MAGEE2: variants seen among roughly 807,000 people sequenced by gnomAD.
MAGEE2 encodes melanoma-associated antigen E2.
For synonymous variants in MAGEE2, 189 were observed against 155.4 expected, an observed-to-expected ratio of 1.22 and a Z score of -1.61; for missense variants, 508 against 391.1, an observed-to-expected ratio of 1.30 and a Z score of -2.52.
rs776410419 is a variant in MAGEE2 at position 75,784,122 on chromosome X, A to T, written c.930T>A (p.Thr310=). ...TAGLEFWSED[T]MNDKANDLVQ... ...CCAAATCATTTGCCTTATCATTCAT[A>T]GTGTCCTCCGACCAGAACTCTAAGC... The change falls in exon 1 of 1, where the codon ACT becomes ACA. Residue 310 remains threonine, a synonymous_variant. Transcript: ENST00000373359. The T allele has an allele frequency of 1.7e-6, 2 of 1,211,727 alleles. No homozygotes were observed. The highest frequency in any genetic ancestry group is 3.5e-5 in the South Asian group (2 of 56,983).
rs1341913848 is a variant in MAGEE2 at position 75,784,897 on chromosome X, T to C, written c.155A>G (p.Asn52Ser). 1.3e-5 allele frequency: 16 copies of C among 1,185,328 alleles called. No homozygotes were observed. The highest frequency in any genetic ancestry group is 1.7e-5 in the Non-Finnish European group (15 of 881,578). The change falls in exon 1 of 1, where the codon AAC (asparagine) becomes AGC (serine). Residue 52 changes from asparagine to serine, a missense_variant. By Grantham distance (46) the Asn-to-Ser change is conservative. Transcript: ENST00000373359. ...DAPQCPQAPI[N>S]SQCVNTSQAV... The stretch of plus-strand genomic sequence containing the variant: ...CTGGGAAGTGTTGACACACTGAGAG[T>C]TGATTGGCGCCTGAGGGCACTGGGG...
At position 75,784,953 on chromosome X, in the gene MAGEE2, C is replaced by T. The variant is rs1202834496; in HGVS notation, c.99G>A (p.Gly33=). 6.1e-6 allele frequency: 7 copies of T among 1,154,306 alleles called. No individual in the cohort carries two copies. Among genetic ancestry groups the T allele is most frequent in the Non-Finnish European group, 8.1e-6 (7 of 868,779 alleles). The change falls in exon 1 of 1, where the codon GGG becomes GGA. Residue 33 remains glycine, a synonymous_variant. Coordinates refer to ENST00000373359, the MANE Select transcript of MAGEE2 (RefSeq NM_138703.5). ...CAACGACTAGCATGGAGGTGGGGGA[C>T]CCGGAGGCGTTAGTAGCTTGTATTT... ...RGEIQATNAS[G]SPTSMLVVDA...
Position 75,784,656 on chromosome X carries a change from G to A in MAGEE2, c.396C>T (p.Ala132=). ...CAAAGACCTGGTCCAGGTGAGCTGA[G>A]GCTCGTCTGAGGATCTCAGGGAACT... is the stretch of plus-strand genomic sequence containing the variant. ...SDQFPEILRR[A]SAHLDQVFGL... Residue 132 remains alanine, a synonymous_variant, in exon 1 of 1, where the codon GCC becomes GCT. Coordinates refer to ENST00000373359, the MANE Select transcript of MAGEE2 (RefSeq NM_138703.5). 1 of 1,211,307 alleles carries A rather than the reference G, an allele frequency of 8.3e-7. No homozygotes were observed. The highest frequency in any genetic ancestry group is 1.7e-5 in the African/African-American group (1 of 57,847).
chrX:75,784,433 C>A lies in MAGEE2; in HGVS notation c.619G>T (p.Asp207Tyr), dbSNP rs1464906395. The change falls in exon 1 of 1, where the codon GAT becomes TAT. Residue 207 changes from aspartate to tyrosine, a missense_variant. Physicochemically the swap from Asp to Tyr is radical, Grantham distance 160 (BLOSUM62 -3). Coordinates refer to ENST00000373359, the MANE Select transcript of MAGEE2 (RefSeq NM_138703.5). ...ASIWDLLLKVDMWDKPQRINN... is the reference protein window; with the variant it reads ...ASIWDLLLKVYMWDKPQRINN... ...ATCCTCTGAGGCTTATCCCACATAT[C>A]AACTTTTAGCAGCAAGTCCCAAATG... 1 of 1,210,208 alleles carries A rather than the reference C, an allele frequency of 8.3e-7. No individual in the cohort carries two copies. Among genetic ancestry groups the A allele is most frequent in the Non-Finnish European group, 1.1e-6 (1 of 895,279 alleles).
rs768233465 is a variant in MAGEE2 at position 75,784,333 on chromosome X, G to C, written c.719C>G (p.Pro240Arg). The C allele has an allele frequency of 3.3e-6, 4 of 1,209,846 alleles. No individual in the cohort carries two copies. The highest frequency in any genetic ancestry group is 4.5e-6 in the Non-Finnish European group (4 of 895,221). Residue 240 changes from proline (P) to arginine (R), a missense_variant, in exon 1 of 1, where the codon CCG becomes CGG. Transcript: ENST00000373359. ...FVCMRFLEYW[P>R]VYGTNPLEFE... is the part of the protein sequence containing the mutation. ...CTCAAGGGGATTAGTGCCATACACC[G>C]GCCAGTACTCCAAGAATCGCATGCA...
chrX:75,785,008 A>G lies in MAGEE2; in HGVS notation c.44T>C (p.Ile15Thr). ...TCTGCCGTCGCCGTAATCTGCAGTG[A>G]TCTCTGCGCTACAGTGGCGTGCATT... Reference protein sequence around the residue: ...SQNARHCSAEITADYGDGRGE... With the variant: ...SQNARHCSAETTADYGDGRGE... Residue 15 changes from isoleucine to threonine, a missense_variant, in exon 1 of 1, where the codon ATC becomes ACC. Ile to Thr is a moderately conservative substitution (Grantham distance 89). Coordinates refer to ENST00000373359, the MANE Select transcript of MAGEE2 (RefSeq NM_138703.5). The G allele has an allele frequency of 8.8e-7, 1 of 1,139,075 alleles. No individual in the cohort carries two copies. The allele number at this position is 1,139,075 out of a possible 1,213,427, so 93.9% of individuals were successfully genotyped here. A position where few individuals can be genotyped will look rare whatever the true frequency, so the allele number is the denominator to read the frequency against.
chrX:75,784,966 G>C lies in MAGEE2; in HGVS notation c.86C>G (p.Thr29Ser). 8.7e-7 allele frequency: 1 copy of C among 1,149,749 alleles called. No individual in the cohort carries two copies. The highest frequency in any genetic ancestry group is 1.8e-5 in the African/African-American group (1 of 55,376). 94.8% of individuals were successfully genotyped at this position (1,149,749 alleles called of 1,213,427 possible). A position where few individuals can be genotyped will look rare whatever the true frequency, so the allele number is the denominator to read the frequency against. ...GGAGGTGGGGGACCCGGAGGCGTTAGTAGCTTGTATTTCACCTCTGCCGTC... is the reference window on the plus strand; with the variant it reads ...GGAGGTGGGGGACCCGGAGGCGTTACTAGCTTGTATTTCACCTCTGCCGTC... ...YGDGRGEIQA[T>S]NASGSPTSML... The change falls in exon 1 of 1, where the codon ACT becomes AGT. Residue 29 changes from threonine to serine, a missense_variant. Transcript: ENST00000373359.
Position 75,784,274 on chromosome X carries a change from C to T in MAGEE2, c.778G>A (p.Glu260Lys), listed in dbSNP as rs267606512. ...EFLWGSRAHR[E>K]ITKMEALKFV... ...TTCAGGGCTTCCATCTTTGTGATTTCCCTGTGGGCTCTAGAGCCCCACAAG... is the reference window on the plus strand; with the variant it reads ...TTCAGGGCTTCCATCTTTGTGATTTTCCTGTGGGCTCTAGAGCCCCACAAG... The change falls in exon 1 of 1, where the codon GAA becomes AAA. Residue 260 changes from glutamate (E) to lysine (K), a missense_variant. Glu to Lys is a moderately conservative substitution (Grantham distance 56). Coordinates refer to ENST00000373359, the MANE Select transcript of MAGEE2 (RefSeq NM_138703.5). The T allele has an allele frequency of 8.3e-7, 1 of 1,209,793 alleles. No homozygotes were observed. Among genetic ancestry groups the T allele is most frequent in the Admixed American group, 2.2e-5 (1 of 45,777 alleles).
In MAGEE2 at chrX:75,785,209, G is replaced by T. The variant is rs1269011941; in HGVS notation, c.-158C>A. 2.0e-5 allele frequency: 11 copies of T among 548,762 alleles called. No individual in the cohort carries two copies. The highest frequency in any genetic ancestry group is 2.6e-5 in the Non-Finnish European group (10 of 380,558). The allele number at this position is 548,762 out of a possible 1,213,427, so 45.2% of individuals were successfully genotyped here. On this transcript the variant is annotated 5_prime_UTR_variant, in exon 1 of 1. Coordinates refer to ENST00000373359, the MANE Select transcript of MAGEE2 (RefSeq NM_138703.5). ...TGTGAAGAGCGATCTTTCTACACAAGTGCTGGCCAGCAACGACTGCAAGCC... is the reference window on the plus strand; with the variant it reads ...TGTGAAGAGCGATCTTTCTACACAATTGCTGGCCAGCAACGACTGCAAGCC...
chrX:75,783,827 C>G lies in MAGEE2; in HGVS notation c.1225G>C (p.Gly409Arg). The change falls in exon 1 of 1, where the codon GGT (glycine) becomes CGT (arginine). Residue 409 changes from glycine (G) to arginine (R), a missense_variant. Physicochemically the swap from Gly to Arg is moderately radical, Grantham distance 125. Coordinates refer to ENST00000373359, the MANE Select transcript of MAGEE2 (RefSeq NM_138703.5). ...PTQEYVMPIL[G>R]LIFLMGNRVK... Reference sequence around the variant, plus strand: ...CGGTTGCCCATCAGGAAGATCAAACCTAGGATTGGCATTACATATTCTTGA... The same window carrying G: ...CGGTTGCCCATCAGGAAGATCAAACGTAGGATTGGCATTACATATTCTTGA... 1 of 1,211,747 alleles carries G rather than the reference C, an allele frequency of 8.3e-7. No homozygotes were observed. Among genetic ancestry groups the G allele is most frequent in the Non-Finnish European group, 1.1e-6 (1 of 895,543 alleles).
At position 75,783,593 on chromosome X, in the gene MAGEE2, G is replaced by T. The variant is rs1282516313; in HGVS notation, c.1459C>A (p.Leu487Ile). Residue 487 changes from leucine (L) to isoleucine (I), a missense_variant, in exon 1 of 1, where the codon CTC becomes ATC. Physicochemically the swap from Leu to Ile is conservative, Grantham distance 5. Coordinates refer to ENST00000373359, the MANE Select transcript of MAGEE2 (RefSeq NM_138703.5). ...KMKVLEYMAR[L>I]YRKRPQNWPE... The stretch of plus-strand genomic sequence containing the variant: ...CAGTTCTGTGGTCGCTTTCTGTAGA[G>T]CCTGGCCATGTACTCCAAGACTTTC... The T allele has an allele frequency of 1.7e-6, 2 of 1,211,492 alleles. No homozygotes were observed. Among genetic ancestry groups the T allele is most frequent in the South Asian group, 1.8e-5 (1 of 56,936 alleles).
rs1415059199 is a variant in MAGEE2, at chrX:75,784,835, C to G, written c.217G>C (p.Asp73His). Reference protein sequence around the residue: ...QDPNDLEVLIDEQSRRLGALR... With the variant: ...QDPNDLEVLIHEQSRRLGALR... ...GCCCCCAAACGTCTGGACTGCTCGT[C>G]GATCAGGACCTCCAGGTCATTCGGG... The change falls in exon 1 of 1, where the codon GAC (aspartate) becomes CAC (histidine). Residue 73 changes from aspartate to histidine, a missense_variant. Transcript: ENST00000373359. 8.3e-7 allele frequency: 1 copy of G among 1,210,860 alleles called. No individual in the cohort carries two copies. The highest frequency in any genetic ancestry group is 2.2e-5 in the Admixed American group (1 of 45,951).
chrX:75,783,982 G>T lies in MAGEE2; in HGVS notation c.1070C>A (p.Thr357Asn). 1 of 1,210,668 alleles carries T rather than the reference G, an allele frequency of 8.3e-7. No homozygotes were observed. The highest frequency in any genetic ancestry group is 1.1e-6 in the Non-Finnish European group (1 of 895,535). Residue 357 changes from threonine (T) to asparagine (N), a missense_variant, in exon 1 of 1, where the codon ACT becomes AAT. Transcript: ENST00000373359. ...DVFPNILNRA[T>N]LILDMFYGLS... ...CCCATAGAACATATCAAGAATTAGA[G>T]TAGCTCTATTGAGGATATTTGGGAA...
At position 75,785,152 on chromosome X, in the gene MAGEE2, C is replaced by A. The variant is rs1379055203; in HGVS notation, c.-101G>T. 1.1e-6 allele frequency: 1 copy of A among 926,215 alleles called. No homozygotes were observed. Among genetic ancestry groups the A allele is most frequent in the Non-Finnish European group, 1.4e-6 (1 of 703,425 alleles). The allele number at this position is 926,215 out of a possible 1,213,427, so 76.3% of individuals were successfully genotyped here. A position where few individuals can be genotyped will look rare whatever the true frequency, so the allele number is the denominator to read the frequency against. ...CGGCACAAAGCTGAAGCCCGAGACC[C>A]TGGAGCTGGAAGGATCAAAAGTGAA... On this transcript the variant is annotated 5_prime_UTR_variant, in exon 1 of 1. The change creates a new upstream start codon in the 5' untranslated region. Coordinates refer to ENST00000373359, the MANE Select transcript of MAGEE2 (RefSeq NM_138703.5).
In MAGEE2 at chrX:75,784,002, T is replaced by C. The variant is rs757711939; in HGVS notation, c.1050A>G (p.Pro350=). Residue 350 remains proline (P), a synonymous_variant, in exon 1 of 1, where the codon CCA becomes CCG. Coordinates refer to ENST00000373359, the MANE Select transcript of MAGEE2 (RefSeq NM_138703.5). ...HTGKEFEDVF[P]NILNRATLIL... ...TTAGAGTAGCTCTATTGAGGATATT[T>C]GGGAACACATCCTCAAATTCTTTGC... 3 of 1,208,198 alleles carry C rather than the reference T, an allele frequency of 2.5e-6. No homozygotes were observed. In the African/African-American group the frequency reaches 5.2e-5, roughly 21 times the overall value.
At position 75,784,846 on chromosome X, in the gene MAGEE2, T is replaced by A; in HGVS notation, c.206A>T (p.Glu69Val). Residue 69 changes from glutamate (E) to valine (V), a missense_variant, in exon 1 of 1, where the codon GAG becomes GTG. Transcript: ENST00000373359. ...TCTGGACTGCTCGTCGATCAGGACCTCCAGGTCATTCGGGTCCTGAACGGC... is the reference window on the plus strand; with the variant it reads ...TCTGGACTGCTCGTCGATCAGGACCACCAGGTCATTCGGGTCCTGAACGGC... ...SQAVQDPNDLEVLIDEQSRRL... is the reference protein window; with the variant it reads ...SQAVQDPNDLVVLIDEQSRRL... The A allele has an allele frequency of 8.3e-7, 1 of 1,209,658 alleles. No individual in the cohort carries two copies. The highest frequency in any genetic ancestry group is 1.1e-6 in the Non-Finnish European group (1 of 894,298).
rs1449575485 is a variant in MAGEE2 at position 75,785,199 on chromosome X, T to A, written c.-148A>T. ...TGAAATCTGGTGTGAAGAGCGATCTTTCTACACAAGTGCTGGCCAGCAACG... is the reference window on the plus strand; with the variant it reads ...TGAAATCTGGTGTGAAGAGCGATCTATCTACACAAGTGCTGGCCAGCAACG... On this transcript the variant is annotated 5_prime_UTR_variant, in exon 1 of 1. Coordinates refer to ENST00000373359, the MANE Select transcript of MAGEE2 (RefSeq NM_138703.5). 1 of 629,492 alleles carries A rather than the reference T, an allele frequency of 1.6e-6. No individual in the cohort carries two copies. The highest frequency in any genetic ancestry group is 2.2e-6 in the Non-Finnish European group (1 of 452,131). 51.9% of individuals were successfully genotyped at this position (629,492 alleles called of 1,213,427 possible). A position where few individuals can be genotyped will look rare whatever the true frequency, so the allele number is the denominator to read the frequency against.
chrX:75,784,674 A>C lies in MAGEE2; in HGVS notation c.378T>G (p.Pro126=), dbSNP rs760915157. Residue 126 remains proline, a synonymous_variant, in exon 1 of 1, where the codon CCT becomes CCG. Transcript: ENST00000373359. ...GAGCTGAGGCTCGTCTGAGGATCTCAGGGAACTGATCTGAGTACTCTCTGA... is the reference window on the plus strand; with the variant it reads ...GAGCTGAGGCTCGTCTGAGGATCTCCGGGAACTGATCTGAGTACTCTCTGA... ...EFLREYSDQF[P]EILRRASAHL... 8.3e-7 allele frequency: 1 copy of C among 1,211,514 alleles called. No homozygotes were observed. Among genetic ancestry groups the C allele is most frequent in the African/African-American group, 1.7e-5 (1 of 57,814 alleles).
At position 75,783,783 on chromosome X, in the gene MAGEE2, G is replaced by C. The variant is rs1242903357; in HGVS notation, c.1269C>G (p.Val423=). The C allele has an allele frequency of 8.3e-7, 1 of 1,210,112 alleles. No homozygotes were observed. Among genetic ancestry groups the C allele is most frequent in the Non-Finnish European group, 1.1e-6 (1 of 895,267 alleles). The change falls in exon 1 of 1, where the codon GTC becomes GTG. Residue 423 remains valine, a synonymous_variant. Coordinates refer to ENST00000373359, the MANE Select transcript of MAGEE2 (RefSeq NM_138703.5). ...LMGNRVKEAN[V]WNLLRRFSVD... is the part of the protein sequence containing the mutation. ...CACTAAATCTTCGAAGCAAGTTCCA[G>C]ACATTGGCCTCTTTGACACGGTTGC...
Sources: allele counts gnomAD v4.1 joint callset, GRCh38; gene constraint gnomAD v4.1.1; transcripts MANE v1.5; gene names NCBI Gene and HGNC (gene_info 2026-07-23, HGNC 2026-07-21).